Variants in ACAD11 observed in about 807,000 individuals in gnomAD.
ACAD11 encodes acyl-CoA dehydrogenase family member 11, also known as acyl-Coenzyme A dehydrogenase family, member 11.
ACAD11 carries 83 observed loss-of-function variants against 102.2 expected under a neutral mutation model. That is an observed-to-expected ratio of 0.81 (90% CI 0.68 to 0.97). ACAD11 has a LOEUF of 0.97. Among genes scored for constraint, ACAD11 ranks in the 50% least tolerant of loss-of-function variants. The probability of loss-of-function intolerance (pLI) is 0.00; values close to 1 mark genes in which losing one functional copy is unlikely to be tolerated. For missense variants in ACAD11, 901 were observed against 951.7 expected (o/e 0.95, Z 0.70); for synonymous variants, 324 against 319.8 (o/e 1.01, Z -0.14).
At chr3:132,643,008 GTAATT>G (rs2107887363) in intron 2 of ACAD11, among the ~76,000 whole-genome samples, 1 of 152,308 alleles carries the variant, frequency 6.6e-6, no homozygotes, top group South Asian at 2.1e-4. Flanking sequence ...ACTAAAAAAT[GTAATT>G]TAATTAGGAT....
chr3:132,654,132 C>A (rs929063743), intron 1 of ACAD11, among the ~76,000 whole-genome samples: 19 of 152,284 alleles, frequency 1.2e-4, no homozygotes, highest in Admixed American at 9.2e-4. Context: ...GTTACCAAGG[C>A]AGAAATGAAA....
intron 5 of ACAD11, among the ~76,000 whole-genome samples, chr3:132,631,706 T>G (rs1472199532): frequency 6.6e-6 from 1 of 152,216 alleles, no homozygotes; most frequent in Non-Finnish European, 1.5e-5. Context: ...TCATTTTACT[T>G]TACACAGCCT....
intron 13 of ACAD11, among the ~76,000 whole-genome samples, chr3:132,584,146 G>C (rs1244501066): frequency 6.6e-6 from 1 of 152,224 alleles, no homozygotes; most frequent in African/African-American, 2.4e-5. Context: ...TCTGTCTAAC[G>C]TTGACAGTGG....
At chr3:132,649,876 TCCTCC>T (rs1008606804) in intron 1 of ACAD11, 2 of 152,218 alleles carry the variant, frequency 1.3e-5, no homozygotes, top group African/African-American at 4.8e-5. Context: ...TCACGGGCAT[TCCTCC>T]TAAACCCTTT....
At chr3:132,600,372 T>G (rs937418623) in intron 13 of ACAD11, 1 of 1,544,624 alleles carries the variant, frequency 6.5e-7, no homozygotes, top group Non-Finnish European at 8.7e-7. Flanking sequence ...CTATCCTGTA[T>G]TCTCTTTGCC....
At chr3:132,657,584 T>G (rs1937875239) in intron 1 of ACAD11, among the ~76,000 whole-genome samples, 1 of 152,228 alleles carries the variant, frequency 6.6e-6, no homozygotes. Flanking sequence ...TTTAAAATTC[T>G]TTTTAAGGTC....
intron 11 of ACAD11, among the ~76,000 whole-genome samples, chr3:132,614,698 G>A (rs1055123771): frequency 3.3e-5 from 5 of 152,092 alleles, no homozygotes; most frequent in African/African-American, 7.2e-5. Context: ...AGACTTAAAC[G>A]TAAGACCTAA....
intron 8 of ACAD11, among the ~76,000 whole-genome samples, chr3:132,627,477 A>T (rs1248050016): frequency 2.0e-5 from 3 of 152,200 alleles, no homozygotes; most frequent in Non-Finnish European, 4.4e-5. Flanking sequence ...AGTTGAATTG[A>T]ACACAAATAA....
chr3:132,567,098 C>T (rs1322138538), intron 17 of ACAD11, among the ~76,000 whole-genome samples: 1 of 152,092 alleles, frequency 6.6e-6, no homozygotes, highest in Non-Finnish European at 1.5e-5. Context: ...TGTGCCTCAG[C>T]CTCCCGAATA....
chr3:132,571,009 C>A (rs1576548919), intron 17 of ACAD11, among the ~76,000 whole-genome samples: 1 of 152,064 alleles, frequency 6.6e-6, no homozygotes, highest in East Asian at 1.9e-4. Context: ...GACTTATATA[C>A]CTTTGCGTAT....
chr3:132,637,201 AATG>A (rs1158314465), intron 5 of ACAD11, among the ~76,000 whole-genome samples: 4 of 152,278 alleles, frequency 2.6e-5, no homozygotes, highest in Non-Finnish European at 5.9e-5. Context: ...TAATAATAAT[AATG>A]ATGATATAAA....
chr3:132,585,330 T>C (rs1469451673), intron 13 of ACAD11, among the ~76,000 whole-genome samples: 1 of 152,212 alleles, frequency 6.6e-6, no homozygotes, highest in Non-Finnish European at 1.5e-5. Context: ...TTACACCTTA[T>C]ACAAAAATTA....
At chr3:132,602,709 A>C (rs1324879579) in intron 13 of ACAD11, among the ~76,000 whole-genome samples, 2 of 152,216 alleles carry the variant, frequency 1.3e-5, no homozygotes, top group African/African-American at 4.8e-5. Context: ...GCTCTTAAAC[A>C]TCACCTAACC....
intron 15 of ACAD11, 81 bp downstream of exon 15, chr3:132,578,715 A>T (rs1482265727): frequency 1.4e-6 from 2 of 1,457,466 alleles, no homozygotes; most frequent in Non-Finnish European, 9.4e-7. Flanking sequence ...CTTATGCATT[A>T]AAATGCTATT....
At chr3:132,608,628 C>T (rs1478209706) in intron 11 of ACAD11, among the ~76,000 whole-genome samples, 1 of 152,070 alleles carries the variant, frequency 6.6e-6, no homozygotes, top group African/African-American at 2.4e-5. Context: ...AACAGGAGCA[C>T]CTAGATTCAT....
intron 13 of ACAD11, among the ~76,000 whole-genome samples, chr3:132,593,010 AAAT>A (rs1938145315): frequency 6.6e-6 from 1 of 152,096 alleles, no homozygotes; most frequent in Non-Finnish European, 1.5e-5. Context: ...AGATCAAAAT[AAAT>A]CCCAAATAGA....
intron 17 of ACAD11, among the ~76,000 whole-genome samples, chr3:132,568,741 T>C (rs552211729): frequency 7.6e-6 from 1 of 130,800 alleles, no homozygotes; most frequent in Non-Finnish European, 1.6e-5. Flanking sequence ...CAAAAACAAT[T>C]CAATGGAGGA....
chr3:132,631,528 G>A (rs376353828), intron 5 of ACAD11, 49 bp from the exon 6 acceptor site: 18 of 1,288,436 alleles, frequency 1.4e-5, no homozygotes, highest in Non-Finnish European at 1.8e-5. Flanking sequence ...CTTAAAACAA[G>A]TATAATAAAG....
At chr3:132,583,610 C>G (rs375958796) in intron 13 of ACAD11, among the ~76,000 whole-genome samples, 15 of 152,050 alleles carry the variant, frequency 9.9e-5, no homozygotes, top group African/African-American at 3.6e-4. Flanking sequence ...TGTGTTTGCT[C>G]TTGCTTCTCT....
Sources: gnomAD v4.1 joint callset for allele counts (sites outside exome capture counted in the v4.1 genomes callset) on GRCh38, gnomAD v4.1.1 for gene constraint, MANE v1.5 for transcripts, NCBI Gene and HGNC (gene_info 2026-07-23, HGNC 2026-07-21) for gene names.